RAB38: variants seen among roughly 807,000 people sequenced by gnomAD.
RAB38 encodes the protein RAB38, member RAS oncogene family.
In RAB38, 15 loss-of-function variants were observed where a neutral mutation model predicts 18.4. That is an observed-to-expected ratio of 0.82 (90% CI 0.55 to 1.26). The LOEUF (loss-of-function observed/expected upper bound fraction) is 1.26. RAB38 is among the 50% of genes most tolerant of loss of function. The probability of loss-of-function intolerance (pLI) is 0.00; values close to 1 mark genes in which losing one functional copy is unlikely to be tolerated. For missense variants in RAB38, 294 were observed against 267.4 expected (o/e 1.10, Z -0.69); for synonymous variants, 101 against 104.4 (o/e 0.97, Z 0.20).
At chr11:87,807,268 A>T in the RAB38 span, among the ~76,000 whole-genome samples, 1 of 152,212 alleles carries the variant, frequency 6.6e-6, no homozygotes, top group Admixed American at 6.5e-5. Flanking sequence ...TTTCTTCAAA[A>T]CTCCAAAATG....
At chr11:87,959,204 A>C in the RAB38 span, among the ~76,000 whole-genome samples, 1 of 152,138 alleles carries the variant, frequency 6.6e-6, no homozygotes, top group African/African-American at 2.4e-5. Flanking sequence ...AAACATTCCG[A>C]CGCATTTAGG....
the RAB38 span, among the ~76,000 whole-genome samples, chr11:87,831,100 C>T: frequency 6.6e-6 from 1 of 152,120 alleles, no homozygotes; most frequent in Non-Finnish European, 1.5e-5. Context: ...AGCTACCGTG[C>T]CTAGCTGGAA....
chr11:88,041,021 T>C, the RAB38 span, among the ~76,000 whole-genome samples: 3 of 152,242 alleles, frequency 2.0e-5, no homozygotes, highest in Admixed American at 6.5e-5. Context: ...CACTGCTGGA[T>C]TCCCTGTGTG....
At chr11:88,077,000 A>G in the RAB38 span, among the ~76,000 whole-genome samples, 1 of 109,678 alleles carries the variant, frequency 9.1e-6, no homozygotes, top group Non-Finnish European at 2.1e-5. Flanking sequence ...AAAGAAAAGA[A>G]AAGAAAAGAA....
chr11:88,011,316 T>C, the RAB38 span, among the ~76,000 whole-genome samples: 1 of 152,106 alleles, frequency 6.6e-6, no homozygotes, highest in Non-Finnish European at 1.5e-5. Flanking sequence ...TAAGATAGGG[T>C]TCTTGTTTTT....
the RAB38 span, among the ~76,000 whole-genome samples, chr11:87,830,782 T>C: frequency 6.6e-6 from 1 of 152,064 alleles, no homozygotes; most frequent in Non-Finnish European, 1.5e-5. Context: ...TTTAATAAAT[T>C]AAATAAAATT....
At chr11:87,896,223 C>A in the RAB38 span, among the ~76,000 whole-genome samples, 5 of 151,646 alleles carry the variant, frequency 3.3e-5, no homozygotes, top group African/African-American at 1.2e-4. Context: ...TGCAAGCCCC[C>A]GACCTTCCAT....
chr11:87,955,198 C>T, the RAB38 span, among the ~76,000 whole-genome samples: 1 of 152,162 alleles, frequency 6.6e-6, no homozygotes, highest in East Asian at 1.9e-4. Context: ...CTTCCACATG[C>T]TTTCATTTAT....
the RAB38 span, among the ~76,000 whole-genome samples, chr11:87,941,891 T>C: frequency 1.3e-5 from 2 of 152,210 alleles, no homozygotes; most frequent in Admixed American, 6.6e-5. Flanking sequence ...CTCCCTTACC[T>C]GTCAGCAGAA....
chr11:87,847,075 T>C, the RAB38 span, among the ~76,000 whole-genome samples: 2 of 151,526 alleles, frequency 1.3e-5, no homozygotes, highest in African/African-American at 4.8e-5. Flanking sequence ...AAAAGAAAGA[T>C]CTAAAGTTCA....
chr11:87,923,311 G>A, the RAB38 span, among the ~76,000 whole-genome samples: 1 of 151,876 alleles, frequency 6.6e-6, no homozygotes, highest in Non-Finnish European at 1.5e-5. Flanking sequence ...TAGAGAAGAC[G>A]CATTCATTAA....
intron 2 of RAB38, among the ~76,000 whole-genome samples, chr11:88,127,959 T>C (rs550235071): frequency 6.6e-6 from 1 of 152,364 alleles, no homozygotes; most frequent in South Asian, 2.1e-4. Context: ...GCAGTTATCA[T>C]AGAGCCTGTT....
At chr11:88,148,505 C>G (rs1943020296) in intron 2 of RAB38, among the ~76,000 whole-genome samples, 5 of 152,202 alleles carry the variant, frequency 3.3e-5, no homozygotes, top group Admixed American at 3.3e-4. Context: ...TCACTGCCCT[C>G]CAATCCGTCT....
chr11:88,005,334 A>G, the RAB38 span, among the ~76,000 whole-genome samples: 29 of 151,390 alleles, frequency 1.9e-4, no homozygotes, highest in Non-Finnish European at 1.0e-4. Context: ...AAAGTCACAT[A>G]TATGTGGTCA....
At chr11:87,917,009 A>G in the RAB38 span, among the ~76,000 whole-genome samples, 9 of 152,260 alleles carry the variant, frequency 5.9e-5, no homozygotes, top group African/African-American at 1.2e-4. Context: ...GGAAGTGGAG[A>G]GTCATCCAGG....
At chr11:88,126,378 T>C (rs1420215953) in intron 2 of RAB38, among the ~76,000 whole-genome samples, 1 of 152,104 alleles carries the variant, frequency 6.6e-6, no homozygotes, top group Non-Finnish European at 1.5e-5. Flanking sequence ...CCATAAAAAA[T>C]GATGAGTTCA....
Position 88,175,428 on chromosome 11 carries a change from A to C in RAB38, c.-44T>G. On this transcript the variant is annotated 5_prime_UTR_variant, in exon 1 of 3. Coordinates refer to ENST00000243662, the MANE Select transcript of RAB38 (RefSeq NM_022337.3). Reference sequence around the variant, plus strand: ...GTGCCGTGCCTGACCAGGGAAGCGCAGCCTGGGCTCTGCGCACGAGAGAGA... The same window carrying C: ...GTGCCGTGCCTGACCAGGGAAGCGCCGCCTGGGCTCTGCGCACGAGAGAGA... 1 of 1,568,454 alleles carries C rather than the reference A, an allele frequency of 6.4e-7. No homozygotes were observed. Among genetic ancestry groups the C allele is most frequent in the Non-Finnish European group, 8.7e-7 (1 of 1,149,640 alleles).
In RAB38 at chr11:88,175,398, C is replaced by A; in HGVS notation, c.-14G>T. 1 of 1,613,808 alleles carries A rather than the reference C, an allele frequency of 6.2e-7. No individual in the cohort carries two copies. Among genetic ancestry groups the A allele is most frequent in the Non-Finnish European group, 8.5e-7 (1 of 1,179,910 alleles). On this transcript the variant is annotated 5_prime_UTR_variant, in exon 1 of 3. Coordinates refer to ENST00000243662, the MANE Select transcript of RAB38 (RefSeq NM_022337.3). Reference sequence around the variant, plus strand: ...CGGGGCCTGCATCCTGGCGGCCGGCCAGACGTGCCGTGCCTGACCAGGGAA... The same window carrying A: ...CGGGGCCTGCATCCTGGCGGCCGGCAAGACGTGCCGTGCCTGACCAGGGAA...
At chr11:88,005,265 A>T in the RAB38 span, among the ~76,000 whole-genome samples, 2 of 151,602 alleles carry the variant, frequency 1.3e-5, no homozygotes, top group African/African-American at 4.8e-5. Flanking sequence ...AGACAGCGGG[A>T]ATTTGGTACA....
Sources: gnomAD v4.1 joint callset for allele counts (sites outside exome capture counted in the v4.1 genomes callset) on GRCh38, gnomAD v4.1.1 for gene constraint, MANE v1.5 for transcripts, NCBI Gene and HGNC (gene_info 2026-07-23, HGNC 2026-07-21) for gene names.